The following EPHB1 variants were observed in gnomAD, a reference collection of about 807,000 sequenced individuals.
The protein encoded by EPHB1 is ephrin type-B receptor 1.
In EPHB1, 30 loss-of-function variants were observed where a neutral mutation model predicts 94.4. That is an observed-to-expected ratio of 0.32 (90% CI 0.24 to 0.43). The LOEUF (loss-of-function observed/expected upper bound fraction) is 0.43. Ranked by LOEUF, EPHB1 falls within the 20% of genes least tolerant of loss-of-function variation. The probability of loss-of-function intolerance (pLI) is 1.00; values close to 1 mark genes in which losing one functional copy is unlikely to be tolerated. For missense variants in EPHB1, 1,055 were observed against 1,308.3 expected (o/e 0.81, Z 2.99); for synonymous variants, 522 against 489.1 (o/e 1.07, Z -0.89).
chr3:134,954,090 G>T (rs1368906159), intron 3 of EPHB1, among the ~76,000 whole-genome samples: 1 of 152,196 alleles, frequency 6.6e-6, no homozygotes, highest in East Asian at 1.9e-4. Flanking sequence ...GCCACATTTT[G>T]GTAATATTTC....
At chr3:135,204,451 C>G (rs1397251331) in intron 12 of EPHB1, among the ~76,000 whole-genome samples, 1 of 152,046 alleles carries the variant, frequency 6.6e-6, no homozygotes, top group African/African-American at 2.4e-5. Context: ...GTTGATCTGG[C>G]CACCTTGGTC....
chr3:135,213,848 T>G (rs988561722), intron 12 of EPHB1, among the ~76,000 whole-genome samples: 5 of 152,176 alleles, frequency 3.3e-5, no homozygotes, highest in Non-Finnish European at 7.3e-5. Context: ...TTCCCATCCT[T>G]CAGAGCCCCC....
intron 4 of EPHB1, among the ~76,000 whole-genome samples, chr3:135,111,421 A>C (rs542059946): frequency 6.6e-6 from 1 of 152,218 alleles, no homozygotes; most frequent in Admixed American, 6.5e-5. Context: ...TTGCTTTATG[A>C]CTTCTGAGGA....
At chr3:135,249,827 TTAAA>T (rs1256027592) in intron 15 of EPHB1, among the ~76,000 whole-genome samples, 3 of 149,246 alleles carry the variant, frequency 2.0e-5, no homozygotes, top group East Asian at 1.9e-4. Flanking sequence ...ATCTAGTACT[TTAAA>T]TAACAGCAGG....
intron 3 of EPHB1, among the ~76,000 whole-genome samples, chr3:135,086,453 TCACAAA>T (rs953405342): frequency 6.6e-6 from 1 of 151,510 alleles, no homozygotes; most frequent in African/African-American, 2.4e-5. Context: ...GTCTCTCTCC[TCACAAA>T]CACAAAGTCT....
intron 10 of EPHB1, among the ~76,000 whole-genome samples, chr3:135,189,043 CTGTA>C (rs1942397891): frequency 6.6e-6 from 1 of 152,198 alleles, no homozygotes; most frequent in Non-Finnish European, 1.5e-5. Context: ...TTTTTAAAAA[CTGTA>C]TGATGAGTTT....
chr3:134,993,644 AG>A (rs1266484516), intron 3 of EPHB1, among the ~76,000 whole-genome samples: 1 of 152,152 alleles, frequency 6.6e-6, no homozygotes, highest in Non-Finnish European at 1.5e-5. Context: ...GCTAGGAAGG[AG>A]CTTCCCTGAA....
intron 3 of EPHB1, among the ~76,000 whole-genome samples, chr3:134,954,014 C>A (rs1362334936): frequency 6.6e-6 from 1 of 152,208 alleles, no homozygotes; most frequent in East Asian, 1.9e-4. Flanking sequence ...ATTGCAAACT[C>A]ATTGGAGGGT....
chr3:135,063,304 C>A (rs1559815556), intron 3 of EPHB1, among the ~76,000 whole-genome samples: 1 of 152,116 alleles, frequency 6.6e-6, no homozygotes, highest in East Asian at 1.9e-4. Flanking sequence ...AATATTGATT[C>A]TTCCCATCCA....
At chr3:135,087,472 A>G (rs1225018780) in intron 3 of EPHB1, among the ~76,000 whole-genome samples, 1 of 152,208 alleles carries the variant, frequency 6.6e-6, no homozygotes, top group Admixed American at 6.5e-5. Flanking sequence ...TTATTAGCCT[A>G]ATGATGATGA....
chr3:135,031,827 A>G (rs1226259742), intron 3 of EPHB1, among the ~76,000 whole-genome samples: 1 of 152,154 alleles, frequency 6.6e-6, no homozygotes. Context: ...CTCTGAAAAT[A>G]CAATTATCCT....
chr3:135,084,737 A>G (rs1359010554), intron 3 of EPHB1, among the ~76,000 whole-genome samples: 1 of 152,200 alleles, frequency 6.6e-6, no homozygotes, highest in African/African-American at 2.4e-5. Flanking sequence ...GAGATATTGT[A>G]GAACATGAAT....
At chr3:135,062,390 G>A (rs1707686885) in intron 3 of EPHB1, among the ~76,000 whole-genome samples, 1 of 152,184 alleles carries the variant, frequency 6.6e-6, no homozygotes, top group Non-Finnish European at 1.5e-5. Flanking sequence ...CATTATTGCA[G>A]GAGTAAAGTG....
intron 3 of EPHB1, among the ~76,000 whole-genome samples, chr3:135,044,583 C>T (rs985482976): frequency 5.3e-5 from 8 of 152,142 alleles, no homozygotes; most frequent in Non-Finnish European, 7.4e-5. Context: ...CTCTTTAGGT[C>T]TTAGTTTCCT....
At chr3:134,936,922 G>T (rs936249992) in intron 2 of EPHB1, among the ~76,000 whole-genome samples, 8 of 152,180 alleles carry the variant, frequency 5.3e-5, no homozygotes, top group Non-Finnish European at 1.0e-4. Flanking sequence ...ATATCTTCAC[G>T]GGGCTGACCG....
chr3:135,146,528 G>A (rs952435443), intron 5 of EPHB1, among the ~76,000 whole-genome samples: 1 of 152,204 alleles, frequency 6.6e-6, no homozygotes, highest in Non-Finnish European at 1.5e-5. Flanking sequence ...TCACTGTCCA[G>A]AGTCACTCGG....
chr3:134,938,303 G>A (rs2107708303), intron 2 of EPHB1, among the ~76,000 whole-genome samples: 1 of 152,288 alleles, frequency 6.6e-6, no homozygotes, highest in Non-Finnish European at 1.5e-5. Context: ...TAGATAGGGA[G>A]CCCCCTGCCC....
chr3:135,083,640 G>T (rs1465489958), intron 3 of EPHB1, among the ~76,000 whole-genome samples: 1 of 152,030 alleles, frequency 6.6e-6, no homozygotes, highest in African/African-American at 2.4e-5. Flanking sequence ...GTCACCAGGA[G>T]CACCTTCTCC....
At chr3:134,938,034 A>G (rs535846666) in intron 2 of EPHB1, among the ~76,000 whole-genome samples, 269 of 151,668 alleles carry the variant, frequency 1.8e-3, no homozygotes, top group African/African-American at 6.2e-3. Flanking sequence ...GGAGAGACCC[A>G]GGAGGGGCAG....
Sources: allele counts gnomAD v4.1 joint callset (sites outside exome capture counted in the v4.1 genomes callset), GRCh38; gene constraint gnomAD v4.1.1; transcripts MANE v1.5; gene names NCBI Gene and HGNC (gene_info 2026-07-23, HGNC 2026-07-21).